The following PCAT7 variants were observed in gnomAD, a reference collection of about 807,000 sequenced individuals.
PCAT7 encodes prostate cancer associated transcript 7 (non-protein coding).
At chr9:94,570,879 G>T (rs1278053899) in intron 2 of PCAT7, 1 of 152,198 alleles carries the variant, frequency 6.6e-6, no homozygotes, top group Non-Finnish European at 1.5e-5. Context: ...CCGCTGTCTG[G>T]AGTGGTGCTT....
chr9:94,558,857 T>C, intron 1 of PCAT7: 1 of 1,314,106 alleles, frequency 7.6e-7, no homozygotes, highest in Non-Finnish European at 1.1e-6. Flanking sequence ...TACTCATAGC[T>C]ACCATCTCTG....
chr9:94,570,534 T>C (rs1203396071), intron 2 of PCAT7: 1 of 152,236 alleles, frequency 6.6e-6, no homozygotes, highest in Non-Finnish European at 1.5e-5. Context: ...ATTATCTAAC[T>C]CTTAGCTGTT....
At chr9:94,563,385 C>G (rs769507769) in intron 2 of PCAT7, 2 of 1,614,116 alleles carry the variant, frequency 1.2e-6, no homozygotes, top group African/African-American at 2.7e-5. Flanking sequence ...CAGGAAGATT[C>G]CTCCATAGAC....
At chr9:94,556,288 G>C (rs1437621887) in intron 1 of PCAT7, among the ~76,000 whole-genome samples, 1 of 151,562 alleles carries the variant, frequency 6.6e-6, no homozygotes, top group Non-Finnish European at 1.5e-5. Context: ...CCAGGGAGAA[G>C]GGGGAAAATA....
At chr9:94,558,689 G>C (rs1465624652) in intron 1 of PCAT7, 3 of 455,760 alleles carry the variant, frequency 6.6e-6, no homozygotes, top group African/African-American at 2.0e-5. Context: ...ATTTGCCACT[G>C]TTTCTGACAG....
At chr9:94,567,011 G>A (rs528432207) in intron 2 of PCAT7, among the ~76,000 whole-genome samples, 3 of 152,164 alleles carry the variant, frequency 2.0e-5, no homozygotes, top group Non-Finnish European at 2.9e-5. Context: ...TTTTGTAAAT[G>A]TGATCTCTGC....
chr9:94,560,724 TAATA>T (rs1157606697), intron 2 of PCAT7, among the ~76,000 whole-genome samples: 1 of 147,980 alleles, frequency 6.8e-6, no homozygotes, highest in African/African-American at 2.4e-5. Context: ...ATATATTATA[TAATA>T]TATATTTACA....
At chr9:94,558,327 C>G (rs1827037601) in intron 1 of PCAT7, among the ~76,000 whole-genome samples, 1 of 152,196 alleles carries the variant, frequency 6.6e-6, no homozygotes, top group African/African-American at 2.4e-5. Context: ...TGGAATCTCA[C>G]TCTGTCACCC....
In PCAT7 at chr9:94,559,225, G is replaced by C. The variant is rs1564177866; in HGVS notation, n.441+73G>C. ...AGCTGGGGGAGGAGTTTGTACTGCG[G>C]TGCTTCCATCTGGCTAGCATGAGCG... On this transcript the variant is annotated intron_variant and non_coding_transcript_variant, in intron 2 of 8. Transcript: ENST00000647389. 3 of 1,144,976 alleles carry C rather than the reference G, an allele frequency of 2.6e-6. No individual in the cohort carries two copies. The African/African-American group carries it at 4.6e-5, about 18-fold the overall frequency. 70.9% of individuals were successfully genotyped at this position (1,144,976 alleles called of 1,614,324 possible).
chr9:94,556,827 C>T lies in PCAT7; in HGVS notation n.257+1517C>T, dbSNP rs180835380. On this transcript the variant is annotated intron_variant and non_coding_transcript_variant, in intron 1 of 8. Coordinates refer to ENST00000647389, the Ensembl canonical transcript of PCAT7. ...GGTAGTTTCATAGTTTCAGGTCCTGCATTTAAATCTTTATTTTGAGTAGAT... is the reference window on the plus strand; with the variant it reads ...GGTAGTTTCATAGTTTCAGGTCCTGTATTTAAATCTTTATTTTGAGTAGAT... Among the ~76,000 whole-genome samples the T allele has an allele frequency of 1.0e-3, 157 of 152,274 alleles. 2 individuals carry two copies. Among genetic ancestry groups the T allele is most frequent in the Middle Eastern group, 3.4e-3 (1 of 294 alleles).
chr9:94,554,605 T>C (rs900797972), upstream of PCAT7, among the ~76,000 whole-genome samples: 3 of 150,016 alleles, frequency 2.0e-5, no homozygotes, highest in Non-Finnish European at 3.0e-5. Context: ...CGGTCTCTGA[T>C]TTCACCACCA....
chr9:94,561,607 C>T (rs1349141221), intron 2 of PCAT7, among the ~76,000 whole-genome samples: 2 of 152,036 alleles, frequency 1.3e-5, no homozygotes, highest in Non-Finnish European at 2.9e-5. Flanking sequence ...CCTCGTGATC[C>T]ACCCGCCTTG....
chr9:94,558,465 T>C (rs1437109983), intron 1 of PCAT7, among the ~76,000 whole-genome samples: 1 of 152,052 alleles, frequency 6.6e-6, no homozygotes, highest in African/African-American at 2.4e-5. Flanking sequence ...CGGCTAATTT[T>C]TGTATTTTTA....
At chr9:94,567,477 C>T in intron 2 of PCAT7, 1 of 1,581,934 alleles carries the variant, frequency 6.3e-7, no homozygotes, top group Non-Finnish European at 8.6e-7. Flanking sequence ...ACAATCCCCA[C>T]ATCAGAGCAG....
chr9:94,569,419 CAA>C (rs1191920005), intron 2 of PCAT7: 2 of 152,338 alleles, frequency 1.3e-5, no homozygotes, highest in South Asian at 4.2e-4. Context: ...TGCTTTCCAG[CAA>C]AGAGGATGGA....
chr9:94,561,352 A>ATTTTTTTTTTTTTTTTT lies in PCAT7; in HGVS notation n.441+2212_441+2228dup, dbSNP rs1174386595. On this transcript the variant is annotated intron_variant and non_coding_transcript_variant, in intron 2 of 8. Coordinates refer to ENST00000647389, the Ensembl canonical transcript of PCAT7. ...GCAGGCCATGTGACATGTGACCTGTATTTTTTTTTTTTTTTTTTTTTTTTT... is the reference window on the plus strand; with the variant it reads ...GCAGGCCATGTGACATGTGACCTGTATTTTTTTTTTTTTTTTTTTTTTTTTTTTTTTTTTTTTTTTTT... 3.6e-5 allele frequency among the ~76,000 whole-genome samples: 2 copies of ATTTTTTTTTTTTTTTTT among 54,970 alleles called. 1 individual carries two copies. Among genetic ancestry groups the ATTTTTTTTTTTTTTTTT allele is most frequent in the Non-Finnish European group, 6.1e-5 (2 of 32,754 alleles). 36.1% of individuals were successfully genotyped at this position (54,970 alleles called of 152,430 possible). A position where few individuals can be genotyped will look rare whatever the true frequency, so the allele number is the denominator to read the frequency against.
At chr9:94,564,165 A>C (rs1262248418) in intron 2 of PCAT7, among the ~76,000 whole-genome samples, 1 of 152,210 alleles carries the variant, frequency 6.6e-6, no homozygotes, top group African/African-American at 2.4e-5. Context: ...TCCACCCAAA[A>C]CCAGAAAAAT....
At chr9:94,565,992 AG>A (rs1372626070) in intron 2 of PCAT7, among the ~76,000 whole-genome samples, 1 of 152,194 alleles carries the variant, frequency 6.6e-6, no homozygotes, top group African/African-American at 2.4e-5. Context: ...GTTCTGAGAA[AG>A]CCACAGTTTT....
chr9:94,557,039 G>A (rs542197087), intron 1 of PCAT7, among the ~76,000 whole-genome samples: 3 of 152,214 alleles, frequency 2.0e-5, no homozygotes, highest in African/African-American at 7.2e-5. Context: ...ACTTGTCTAT[G>A]TCTGTCTGTC....
Sources: gnomAD v4.1 joint callset for allele counts (sites outside exome capture counted in the v4.1 genomes callset) on GRCh38, gnomAD v4.1.1 for gene constraint, MANE v1.5 for transcripts, NCBI Gene and HGNC (gene_info 2026-07-23, HGNC 2026-07-21) for gene names.